MORC1: variants seen among roughly 807,000 people sequenced by gnomAD.
MORC1 encodes MORC family CW-type zinc finger protein 1.
A neutral mutation model predicts 134.9 loss-of-function variants in MORC1; 59 were observed. The ratio of observed to expected loss-of-function variants is 0.44; its 90% confidence interval spans 0.35 to 0.54. The LOEUF (loss-of-function observed/expected upper bound fraction) is 0.54. Ranked by LOEUF, MORC1 falls within the 20% of genes least tolerant of loss-of-function variation. The pLI, the probability that MORC1 is intolerant of heterozygous loss-of-function variation, is 0.00. For synonymous variants in MORC1, 395 were observed against 391.7 expected, an observed-to-expected ratio of 1.01 and a Z score of -0.10; for missense variants, 947 against 1,134.5, an observed-to-expected ratio of 0.83 and a Z score of 2.37.
intron 20 of MORC1, among the ~76,000 whole-genome samples, chr3:109,002,668 C>T (rs1373790455): frequency 2.0e-5 from 3 of 152,240 alleles, no homozygotes; most frequent in East Asian, 3.9e-4. Context: ...AGGCTATACC[C>T]CTGAGACTGT....
At chr3:109,004,477 T>C (rs1948489743) in intron 20 of MORC1, among the ~76,000 whole-genome samples, 1 of 152,170 alleles carries the variant, frequency 6.6e-6, no homozygotes, top group African/African-American at 2.4e-5. Flanking sequence ...TAGGCATTAA[T>C]ATTGTTATAA....
At chr3:108,971,692 G>T (rs1020041615) in intron 24 of MORC1, among the ~76,000 whole-genome samples, 4 of 152,042 alleles carry the variant, frequency 2.6e-5, no homozygotes, top group African/African-American at 4.8e-5. Context: ...TTGTGATTCT[G>T]TTCCAGAGTT....
chr3:109,041,888 G>C (rs1306902692), intron 14 of MORC1, among the ~76,000 whole-genome samples: 1 of 151,554 alleles, frequency 6.6e-6, no homozygotes, highest in Admixed American at 6.6e-5. Flanking sequence ...AGGTTGCAGT[G>C]AGCCGAGATT....
At chr3:109,068,239 TACAGGTG>T (rs1278103404) in intron 9 of MORC1, among the ~76,000 whole-genome samples, 2 of 152,184 alleles carry the variant, frequency 1.3e-5, no homozygotes, top group South Asian at 2.1e-4. Flanking sequence ...GTTATTGGGG[TACAGGTG>T]GTGTTTGGTT....
chr3:109,017,554 A>G (rs917186499), intron 17 of MORC1, among the ~76,000 whole-genome samples: 10 of 152,236 alleles, frequency 6.6e-5, no homozygotes, highest in African/African-American at 2.4e-4. Context: ...CTAATAGATG[A>G]AGATTTTCAG....
intron 17 of MORC1, among the ~76,000 whole-genome samples, chr3:109,008,604 T>A (rs923711695): frequency 6.6e-6 from 1 of 151,992 alleles, no homozygotes; most frequent in Non-Finnish European, 1.5e-5. Flanking sequence ...GTCATATACA[T>A]GTTTGACATT....
intron 23 of MORC1, among the ~76,000 whole-genome samples, chr3:108,984,065 T>C (rs923194145): frequency 3.3e-5 from 5 of 152,118 alleles, no homozygotes; most frequent in Admixed American, 6.5e-5. Context: ...ATTGACTCAC[T>C]ACCCTGTCAG....
intron 21 of MORC1, among the ~76,000 whole-genome samples, chr3:108,992,441 A>G (rs1948090019): frequency 6.6e-6 from 1 of 152,182 alleles, no homozygotes; most frequent in Admixed American, 6.5e-5. Flanking sequence ...AGTAAGTTGC[A>G]TACAGTTTAT....
At chr3:108,988,203 G>T (rs112137166) in intron 21 of MORC1, among the ~76,000 whole-genome samples, 3 of 152,210 alleles carry the variant, frequency 2.0e-5, no homozygotes, top group African/African-American at 7.2e-5. Context: ...ATGGGCACAT[G>T]TGTAGCCTAG....
intron 13 of MORC1, among the ~76,000 whole-genome samples, chr3:109,055,875 T>G (rs777344757): frequency 1.1e-4 from 17 of 152,162 alleles, no homozygotes; most frequent in Non-Finnish European, 2.2e-4. Context: ...TGCTGTGATA[T>G]GTGAAGAGTG....
At chr3:109,093,039 G>A (rs1260164330) in intron 8 of MORC1, among the ~76,000 whole-genome samples, 2 of 152,122 alleles carry the variant, frequency 1.3e-5, no homozygotes, top group Admixed American at 6.5e-5. Flanking sequence ...AATAAACTCT[G>A]CAGGTTTTTT....
At chr3:109,057,593 C>T (rs1187296397) in intron 12 of MORC1, 107 bp from the exon 13 acceptor site, 9 of 1,064,618 alleles carry the variant, frequency 8.5e-6, no homozygotes, top group Non-Finnish European at 1.1e-5. Context: ...AGGCATATAT[C>T]CAAATATTTT....
intron 20 of MORC1, among the ~76,000 whole-genome samples, chr3:109,001,265 T>C (rs1948398392): frequency 6.6e-6 from 1 of 152,136 alleles, no homozygotes; most frequent in East Asian, 1.9e-4. Context: ...CTAGAACAGC[T>C]GAGATTACAG....
chr3:108,977,834 T>C (rs894939554), intron 24 of MORC1, among the ~76,000 whole-genome samples: 2 of 152,308 alleles, frequency 1.3e-5, no homozygotes, highest in African/African-American at 4.8e-5. Flanking sequence ...GGGATTATAC[T>C]GTAAGCTACA....
At chr3:109,010,428 ATTT>A (rs1229542887) in intron 17 of MORC1, among the ~76,000 whole-genome samples, 2 of 151,942 alleles carry the variant, frequency 1.3e-5, no homozygotes, top group Non-Finnish European at 2.9e-5. Flanking sequence ...CATAAAAATG[ATTT>A]TTTTCATTGG....
intron 21 of MORC1, among the ~76,000 whole-genome samples, chr3:108,988,761 G>A (rs754248969): frequency 6.6e-6 from 1 of 152,112 alleles, no homozygotes; most frequent in African/African-American, 2.4e-5. Context: ...AGTATCCAAG[G>A]TTAATGAAAA....
chr3:109,091,915 T>C (rs1362313217), intron 8 of MORC1, among the ~76,000 whole-genome samples: 2 of 152,252 alleles, frequency 1.3e-5, no homozygotes, highest in Non-Finnish European at 2.9e-5. Flanking sequence ...TCTGGCTTCA[T>C]TACACAATCT....
intron 14 of MORC1, among the ~76,000 whole-genome samples, chr3:109,047,725 A>G (rs1436220344): frequency 6.6e-6 from 1 of 152,174 alleles, no homozygotes; most frequent in African/African-American, 2.4e-5. Context: ...TTTCACATCA[A>G]GCTTTTATCC....
chr3:109,008,602 C>T (rs74748832), intron 17 of MORC1, among the ~76,000 whole-genome samples: 2,181 of 151,886 alleles, frequency 0.014, 52 homozygotes, highest in African/African-American at 0.048. Context: ...ATGTCATATA[C>T]ATGTTTGACA....
Sources: allele counts gnomAD v4.1 joint callset (sites outside exome capture counted in the v4.1 genomes callset), GRCh38; gene constraint gnomAD v4.1.1; transcripts MANE v1.5; gene names NCBI Gene and HGNC (gene_info 2026-07-23, HGNC 2026-07-21).